SMG7: variants seen among roughly 807,000 people sequenced by gnomAD.
SMG7 encodes the protein nonsense-mediated mRNA decay factor SMG7.
SMG7 carries 34 observed loss-of-function variants against 148.2 expected under a neutral mutation model. The observed-to-expected ratio is 0.23, with a 90% confidence interval of 0.17 to 0.31. SMG7 has a LOEUF of 0.31. Among genes scored for constraint, SMG7 ranks in the 10% least tolerant of loss-of-function variants. The probability of loss-of-function intolerance (pLI) is 1.00; values close to 1 mark genes in which losing one functional copy is unlikely to be tolerated. For missense variants in SMG7, 1,114 were observed against 1,408.4 expected (o/e 0.79, Z 3.35); for synonymous variants, 492 against 515.1 (o/e 0.96, Z 0.61).
Position 183,549,225 on chromosome 1 carries a change from G to A in SMG7, c.2910G>A (p.Lys970=). 6.2e-7 allele frequency: 1 copy of A among 1,613,120 alleles called. No individual in the cohort carries two copies. The highest frequency in any genetic ancestry group is 8.5e-7 in the Non-Finnish European group (1 of 1,179,286). The part of the protein sequence containing the change: ...GRSLFKSLLE[K]PSELMSHSSS... ...CTGTGAAGAAATCCTTATTGGAGAAGCCCTCAGAGCTCATGTCACATTCAT... is the reference window on the plus strand; with the variant it reads ...CTGTGAAGAAATCCTTATTGGAGAAACCCTCAGAGCTCATGTCACATTCAT... Residue 970 remains lysine (K), a synonymous_variant, in exon 19 of 23, where the codon AAG becomes AAA. Transcript: ENST00000688051.
chr1:183,534,727 C>T (rs1667438091), intron 10 of SMG7, among the ~76,000 whole-genome samples: 1 of 151,988 alleles, frequency 6.6e-6, no homozygotes. Flanking sequence ...ATTAGCCAGG[C>T]ATTGTGGCAT....
At chr1:183,532,210 T>A (rs1203336807) in intron 8 of SMG7, among the ~76,000 whole-genome samples, 2 of 152,170 alleles carry the variant, frequency 1.3e-5, no homozygotes, top group Non-Finnish European at 2.9e-5. Flanking sequence ...TAGGATCTCC[T>A]GTCACTGCTG....
chr1:183,498,658 C>T (rs1659086931), intron 1 of SMG7, among the ~76,000 whole-genome samples: 1 of 152,184 alleles, frequency 6.6e-6, no homozygotes, highest in African/African-American at 2.4e-5. Context: ...AGAGATTTCC[C>T]ATATACCCCT....
intron 7 of SMG7, 44 bp from the exon 8 acceptor site, chr1:183,529,354 A>G (rs1471742498): frequency 6.2e-7 from 1 of 1,600,244 alleles, no homozygotes; most frequent in South Asian, 1.1e-5. Flanking sequence ...AGTTGTAGCC[A>G]ATTTGCTGCT....
Position 183,545,024 on chromosome 1 carries a change from C to G in SMG7, c.2082C>G (p.Thr694=), listed in dbSNP as rs774073417. 5 of 1,613,908 alleles carry G rather than the reference C, an allele frequency of 3.1e-6. No homozygotes were observed. The highest frequency in any genetic ancestry group is 3.4e-6 in the Non-Finnish European group (4 of 1,179,986). Residue 694 remains threonine (T), a synonymous_variant, in exon 16 of 23, where the codon ACC becomes ACG. Transcript: ENST00000688051. ...CAGCTGGTGTTTCTGTCCCAGGAAC[C>G]TTTCTTCAGCCTACAGCTCACTCTC... The part of the protein sequence containing the change: ...TFPAGVSVPG[T]FLQPTAHSPA...
intron 10 of SMG7, among the ~76,000 whole-genome samples, chr1:183,535,002 CA>C (rs925626465): frequency 1.1e-4 from 17 of 152,090 alleles, no homozygotes; most frequent in African/African-American, 3.1e-4. Flanking sequence ...TTAATGTTAG[CA>C]TTGGTTTTAG....
Position 183,542,125 on chromosome 1 carries a change from A to G in SMG7, c.1465A>G (p.Ile489Val), listed in dbSNP as rs2102734673. The stretch of plus-strand genomic sequence containing the variant: ...AGGGAAATTGTTGTTTATCACAGAA[A>G]TCCCAGAATTAATACTGGAAGACCC... ...EVGKLLFITE[I>V]PELILEDPSE... Residue 489 changes from isoleucine (I) to valine (V), a missense_variant, in exon 14 of 23, where the codon ATC becomes GTC. Transcript: ENST00000688051. The G allele has an allele frequency of 1.9e-6, 3 of 1,613,786 alleles. No homozygotes were observed. The highest frequency in any genetic ancestry group is 4.5e-5 in the East Asian group (2 of 44,870).
rs34426362 is a variant in SMG7 at position 183,544,963 on chromosome 1, C to A, written c.2021C>A (p.Pro674His). The change falls in exon 16 of 23, where the codon CCT (proline) becomes CAT (histidine). Residue 674 changes from proline to histidine, a missense_variant. Pro to His is a moderately conservative substitution (Grantham distance 77, BLOSUM62 -2). Around this residue, in one of 4 missense-constraint regions of SMG7, gnomAD observed 788 missense variants for 894.5 expected, o/e 0.88. Transcript: ENST00000688051. Reference sequence around the variant, plus strand: ...CCCCCAACATATGTTATCCCCCCGCCTGTGGCATTTTCTATGGGCTCAGGT... The same window carrying A: ...CCCCCAACATATGTTATCCCCCCGCATGTGGCATTTTCTATGGGCTCAGGT... ...FPPPTYVIPPPVAFSMGSGYT... is the reference protein window; with the variant it reads ...FPPPTYVIPPHVAFSMGSGYT... 8,723 of 1,613,954 alleles carry A rather than the reference C, an allele frequency of 5.4e-3. 39 individuals carry two copies. The highest frequency in any genetic ancestry group is 6.6e-3 in the Non-Finnish European group (7,842 of 1,179,858).
chr1:183,533,091 C>A, intron 8 of SMG7, 73 bp from the exon 9 acceptor site: 3 of 1,268,252 alleles, frequency 2.4e-6, no homozygotes, highest in Non-Finnish European at 2.2e-6. Context: ...TGCAGACTAC[C>A]AGTTTAATTT....
intron 1 of SMG7, among the ~76,000 whole-genome samples, chr1:183,494,475 A>G (rs937055543): frequency 2.7e-5 from 4 of 150,358 alleles, no homozygotes; most frequent in African/African-American, 9.7e-5. Context: ...GGCACTCGTC[A>G]TCTCTTTGTT....
intron 1 of SMG7, among the ~76,000 whole-genome samples, chr1:183,479,858 T>C (rs1225830363): frequency 6.6e-6 from 1 of 152,132 alleles, no homozygotes; most frequent in Non-Finnish European, 1.5e-5. Context: ...GAAAGATGGA[T>C]GGGATTTTAA....
chr1:183,545,867 G>A (rs1378636880), intron 16 of SMG7, 99 bp from the exon 17 acceptor site: 24 of 1,412,086 alleles, frequency 1.7e-5, no homozygotes, highest in Non-Finnish European at 2.2e-5. Flanking sequence ...AGTTTTGTTG[G>A]TTGGAAAACA....
At chr1:183,476,744 CT>C (rs1181021067) in intron 1 of SMG7, among the ~76,000 whole-genome samples, 2 of 149,878 alleles carry the variant, frequency 1.3e-5, no homozygotes, top group African/African-American at 4.9e-5. Flanking sequence ...GTTGAAAATA[CT>C]TTGTTATGTT....
intron 12 of SMG7, 55 bp from the exon 13 acceptor site, chr1:183,540,929 T>C: frequency 1.3e-6 from 2 of 1,589,100 alleles, no homozygotes; most frequent in Non-Finnish European, 1.7e-6. Flanking sequence ...CTTGGTTGCC[T>C]GGAAAATATC....
intron 1 of SMG7, chr1:183,473,799 G>A: frequency 1.0e-6 from 1 of 985,272 alleles, no homozygotes; most frequent in Non-Finnish European, 1.2e-6. Context: ...GGAGGGAGTT[G>A]GATGAGGTGG....
At position 183,546,061 on chromosome 1, in the gene SMG7, T is replaced by G; in HGVS notation, c.2466T>G (p.Leu822=). 4 of 1,613,846 alleles carry G rather than the reference T, an allele frequency of 2.5e-6. No individual in the cohort carries two copies. The highest frequency in any genetic ancestry group is 3.4e-6 in the Non-Finnish European group (4 of 1,179,930). The part of the protein sequence containing the change: ...KIMPVKQPYY[L]QTQDPIKLFE... ...TGCCTGTGAAACAGCCCTACTACCTTCAGACCCAAGACCCCATAAAACTGT... is the reference window on the plus strand; with the variant it reads ...TGCCTGTGAAACAGCCCTACTACCTGCAGACCCAAGACCCCATAAAACTGT... Residue 822 remains leucine (L), a synonymous_variant, in exon 17 of 23, where the codon CTT becomes CTG. Coordinates refer to ENST00000688051, the MANE Select transcript of SMG7 (RefSeq NM_001375584.1).
rs1459898738 is a variant in SMG7, at chr1:183,552,565, G to C, written c.*634G>C. The C allele has an allele frequency of 2.0e-6, 2 of 1,017,764 alleles. No individual in the cohort carries two copies. The highest frequency in any genetic ancestry group is 2.4e-6 in the Non-Finnish European group (2 of 848,814). The allele number at this position is 1,017,764 out of a possible 1,614,324, so 63.0% of individuals were successfully genotyped here. On this transcript the variant is annotated 3_prime_UTR_variant, in exon 23 of 23. Transcript: ENST00000688051. ...CAGTGGAAATGTTCCATAAGGGAGA[G>C]TTCAAGGCCTGTCAGAAGGCTCTGG...
chr1:183,519,703 T>C (rs1323915480), intron 4 of SMG7, among the ~76,000 whole-genome samples: 1 of 152,156 alleles, frequency 6.6e-6, no homozygotes, highest in Non-Finnish European at 1.5e-5. Flanking sequence ...TATATACTCT[T>C]CTTGTGTTTC....
At position 183,482,482 on chromosome 1, in the gene SMG7, G is replaced by T. The variant is rs757565365; in HGVS notation, c.29+9833G>T. On this transcript the variant is annotated intron_variant, in intron 1 of 22. Transcript: ENST00000688051. ...ATTTGGAACATTATTAAATGATTAC[G>T]TGGGAAATGATGACAGTGTTAGTGA... Among the ~76,000 whole-genome samples the T allele has an allele frequency of 3.9e-5, 6 of 151,942 alleles. No individual in the cohort carries two copies. In the East Asian group the frequency reaches 7.7e-4, roughly 20 times the overall value.
Sources: allele counts gnomAD v4.1 joint callset (sites outside exome capture counted in the v4.1 genomes callset), GRCh38; gene constraint gnomAD v4.1.1; regional missense constraint gnomAD v4.1.1; transcripts MANE v1.5; gene names NCBI Gene and HGNC (gene_info 2026-07-23, HGNC 2026-07-21).